OR51B5: variants seen among roughly 807,000 people sequenced by gnomAD.
OR51B5 encodes olfactory receptor 51B5.
For missense variants in OR51B5, 456 were observed against 374.6 expected (o/e 1.22, Z -1.79); for synonymous variants, 186 against 144.8 (o/e 1.28, Z -2.04).
At chr11:5,491,427 G>A (rs1395244773) in intron 1 of OR51B5, among the ~76,000 whole-genome samples, 1 of 152,156 alleles carries the variant, frequency 6.6e-6, no homozygotes, top group African/African-American at 2.4e-5. Flanking sequence ...CACAGGTCAG[G>A]GACAGTCATG....
chr11:5,362,968 T>TAAAA (rs776247574), intron 1 of OR51B5: 49 of 145,152 alleles, frequency 3.4e-4, no homozygotes, highest in Non-Finnish European at 4.0e-4. Flanking sequence ...TGTATGGCAT[T>TAAAA]AAAAAAAAAA....
intron 1 of OR51B5, among the ~76,000 whole-genome samples, chr11:5,431,875 A>G (rs1367954684): frequency 4.6e-5 from 7 of 152,198 alleles, no homozygotes. Flanking sequence ...GTTTTTAAAA[A>G]AGTTTTAAAT....
At chr11:5,479,046 A>T (rs1296433205) in intron 1 of OR51B5, among the ~76,000 whole-genome samples, 1 of 152,054 alleles carries the variant, frequency 6.6e-6, no homozygotes, top group Non-Finnish European at 1.5e-5. Context: ...AGCAACTCCA[A>T]GACACATAAT....
chr11:5,361,242 G>C (rs1849279801), intron 1 of OR51B5, among the ~76,000 whole-genome samples: 1 of 152,136 alleles, frequency 6.6e-6, no homozygotes. Context: ...TATTTCTGGA[G>C]ATGTGGCTAA....
intron 1 of OR51B5, chr11:5,488,831 T>A: frequency 6.2e-7 from 1 of 1,614,072 alleles, no homozygotes; most frequent in East Asian, 2.2e-5. Flanking sequence ...CTTGTAGCAC[T>A]GGTTGGAAAT....
intron 1 of OR51B5, among the ~76,000 whole-genome samples, chr11:5,502,901 T>C (rs1302480998): frequency 6.6e-6 from 1 of 152,230 alleles, no homozygotes; most frequent in Non-Finnish European, 1.5e-5. Flanking sequence ...TATCTAATCT[T>C]GTTCGCCATT....
chr11:5,436,672 T>C (rs1850600406), intron 1 of OR51B5, among the ~76,000 whole-genome samples: 1 of 152,212 alleles, frequency 6.6e-6, no homozygotes, highest in Non-Finnish European at 1.5e-5. Context: ...TTGAGGATTT[T>C]TAAATTGTGC....
chr11:5,385,308 C>T (rs1849670122), intron 1 of OR51B5: 1 of 152,160 alleles, frequency 6.6e-6, no homozygotes. Context: ...AGGAAGTATA[C>T]TTTCCAAGAG....
intron 1 of OR51B5, among the ~76,000 whole-genome samples, chr11:5,362,307 G>A (rs550271838): frequency 6.6e-6 from 1 of 152,300 alleles, no homozygotes; most frequent in South Asian, 2.1e-4. Flanking sequence ...GATGAAAATG[G>A]TGCTGGATGC....
intron 1 of OR51B5, among the ~76,000 whole-genome samples, chr11:5,414,135 T>C (rs1302473274): frequency 6.6e-6 from 1 of 151,878 alleles, no homozygotes; most frequent in East Asian, 1.9e-4. Flanking sequence ...TATTCAACAT[T>C]CTTAAGAAAA....
Position 5,352,503 on chromosome 11 carries a change from T to C in OR51B5, n.85-5593A>G, listed in dbSNP as rs1849114166. On this transcript the variant is annotated intron_variant and non_coding_transcript_variant, in intron 1 of 4. Transcript: ENST00000415970. ...AGGGGACCTGGACAGGATGACAATGTTGCCAGCATAAGTAACTAGGGAAAG... is the reference window on the plus strand; with the variant it reads ...AGGGGACCTGGACAGGATGACAATGCTGCCAGCATAAGTAACTAGGGAAAG... 2.9e-5 allele frequency: 32 copies of C among 1,101,536 alleles called. 2 individuals carry two copies. In the South Asian group the frequency reaches 4.7e-4, roughly 16 times the overall value. The allele number at this position is 1,101,536 out of a possible 1,614,324, so 68.2% of individuals were successfully genotyped here.
chr11:5,351,631 A>C (rs1849089128), intron 1 of OR51B5: 1 of 1,613,862 alleles, frequency 6.2e-7, no homozygotes, highest in East Asian at 2.2e-5. Context: ...TGGCAATGGC[A>C]CTCTTCTCTT....
At chr11:5,422,750 CA>C (rs1850369021) in intron 1 of OR51B5, 1 of 1,614,100 alleles carries the variant, frequency 6.2e-7, no homozygotes, top group Non-Finnish European at 8.5e-7. Flanking sequence ...TTGCCTCCAC[CA>C]GGATATGATC....
At chr11:5,381,031 G>A (rs1849600662) in intron 1 of OR51B5, among the ~76,000 whole-genome samples, 1 of 152,050 alleles carries the variant, frequency 6.6e-6, no homozygotes, top group African/African-American at 2.4e-5. Context: ...CTGGCTCAGT[G>A]GGCTGGCTAG....
chr11:5,406,467 A>C (rs1188173345), intron 1 of OR51B5, among the ~76,000 whole-genome samples: 3 of 152,186 alleles, frequency 2.0e-5, no homozygotes, highest in African/African-American at 7.2e-5. Context: ...TAATAAGCAG[A>C]ATCTGATGGC....
chr11:5,408,514 C>T (rs1007624160), intron 1 of OR51B5, among the ~76,000 whole-genome samples: 3 of 152,040 alleles, frequency 2.0e-5, no homozygotes, highest in Admixed American at 2.0e-4. Flanking sequence ...TTTATTAAAA[C>T]AAGAGAAGTC....
At chr11:5,352,358 T>A (rs1564916608) in intron 1 of OR51B5, 1 of 1,613,946 alleles carries the variant, frequency 6.2e-7, no homozygotes, top group Admixed American at 1.7e-5. Flanking sequence ...TTCCCACCTT[T>A]TATGAACCCA....
chr11:5,369,169 CATTCATTT>C (rs1273157406), intron 1 of OR51B5, among the ~76,000 whole-genome samples: 1 of 152,110 alleles, frequency 6.6e-6, no homozygotes, highest in Non-Finnish European at 1.5e-5. Context: ...AATAGGCATT[CATTCATTT>C]ATTCATCCAT....
chr11:5,386,158 TG>T (rs1026659898), intron 1 of OR51B5, among the ~76,000 whole-genome samples: 1 of 151,922 alleles, frequency 6.6e-6, no homozygotes, highest in African/African-American at 2.4e-5. Flanking sequence ...AAAACAGGGG[TG>T]GTTTTTGCCA....
Sources: gnomAD v4.1 joint callset for allele counts (sites outside exome capture counted in the v4.1 genomes callset) on GRCh38, gnomAD v4.1.1 for gene constraint, MANE v1.5 for transcripts, NCBI Gene and HGNC (gene_info 2026-07-23, HGNC 2026-07-21) for gene names.